Variants in WRN observed in about 807,000 individuals in gnomAD.
WRN encodes the protein WRN RecQ like helicase.
Under a neutral mutation model 180.7 loss-of-function variants are expected in WRN, and 149 were observed. The ratio of observed to expected loss-of-function variants is 0.82; its 90% confidence interval spans 0.72 to 0.94. WRN has a LOEUF of 0.94. Ranked by LOEUF, WRN falls within the 40% of genes least tolerant of loss-of-function variation. The pLI is 0.00. For synonymous variants in WRN, 548 were observed against 568.9 expected (o/e 0.96, Z 0.52); for missense variants, 1,661 against 1,700.1 (o/e 0.98, Z 0.40).
intron 21 of WRN, among the ~76,000 whole-genome samples, chr8:31,124,047 TGATAGA>T (rs1224814945): frequency 2.6e-5 from 4 of 152,090 alleles, no homozygotes; most frequent in African/African-American, 9.7e-5. Flanking sequence ...CCTGAAGAGC[TGATAGA>T]GATAAAGGTT....
chr8:31,158,867 G>A (rs1008558319), intron 33 of WRN, among the ~76,000 whole-genome samples: 3 of 151,864 alleles, frequency 2.0e-5, no homozygotes, highest in African/African-American at 7.3e-5. Context: ...GGGATGCGGG[G>A]GAGTGGCCAG....
At position 31,174,311 on chromosome 8, in the gene WRN, C is replaced by A. The variant is rs909628337; in HGVS notation, c.*1209C>A. Among the ~76,000 whole-genome samples, 2 of 152,170 alleles carry A rather than the reference C, an allele frequency of 1.3e-5. No individual in the cohort carries two copies. The highest frequency in any genetic ancestry group is 6.5e-5 in the Admixed American group (1 of 15,278). On this transcript the variant is annotated 3_prime_UTR_variant, in exon 35 of 35. Coordinates refer to ENST00000298139, the MANE Select transcript of WRN (RefSeq NM_000553.6). Reference sequence around the variant, plus strand: ...ATCCTGTGTGATGGAGTGGCAAGTACGCACAGACACGTCTGCTGCATGCCT... The same window carrying A: ...ATCCTGTGTGATGGAGTGGCAAGTAAGCACAGACACGTCTGCTGCATGCCT...
At chr8:31,160,258 A>T (rs1803560174) in intron 33 of WRN, among the ~76,000 whole-genome samples, 1 of 152,210 alleles carries the variant, frequency 6.6e-6, no homozygotes, top group Non-Finnish European at 1.5e-5. Context: ...CTGAGTATTT[A>T]TCTGTGTGAT....
In WRN at chr8:31,167,218, C is replaced by T. The variant is rs2130515498; in HGVS notation, c.4179C>T (p.Gly1393=). The change falls in exon 34 of 35, where the codon GGC becomes GGT. Residue 1393 remains glycine, a synonymous_variant. Transcript: ENST00000298139. ...SSSKRSKEEV[G]INTETSSAER... ...CTAAGAGAAGCAAGGAAGAAGTAGG[C>T]ATCAATACTGAGGTATTAATTATAT... 1 of 1,612,612 alleles carries T rather than the reference C, an allele frequency of 6.2e-7. No individual in the cohort carries two copies. Among genetic ancestry groups the T allele is most frequent in the Non-Finnish European group, 8.5e-7 (1 of 1,178,994 alleles).
At chr8:31,056,333 A>G (rs1389200844) in intron 1 of WRN, among the ~76,000 whole-genome samples, 1 of 152,226 alleles carries the variant, frequency 6.6e-6, no homozygotes, top group African/African-American at 2.4e-5. Flanking sequence ...GATTTTACTT[A>G]TATAATCTGG....
At chr8:31,082,173 C>A (rs1222126810) in intron 9 of WRN, among the ~76,000 whole-genome samples, 2 of 152,136 alleles carry the variant, frequency 1.3e-5, no homozygotes, top group Non-Finnish European at 1.5e-5. Context: ...TTAATTTCTT[C>A]ATTAAATTGA....
chr8:31,036,654 A>G (rs1037968606), intron 1 of WRN, among the ~76,000 whole-genome samples: 1 of 152,150 alleles, frequency 6.6e-6, no homozygotes, highest in Non-Finnish European at 1.5e-5. Context: ...TCTCCTTTTG[A>G]GAAATGTCTA....
chr8:31,103,993 CAAA>C (rs1295522790), intron 18 of WRN, among the ~76,000 whole-genome samples: 1 of 152,212 alleles, frequency 6.6e-6, no homozygotes, highest in Admixed American at 6.5e-5. Context: ...CTCGGCCTCC[CAAA>C]GTGCTGGGAT....
chr8:31,044,050 G>GT lies in WRN; in HGVS notation c.-77+10087dup, dbSNP rs1285528172. Among the ~76,000 whole-genome samples the GT allele has an allele frequency of 5.8e-3, 852 of 147,884 alleles. 5 individuals are homozygous for GT. Among genetic ancestry groups the GT allele is most frequent in the African/African-American group, 0.02 (819 of 40,464 alleles). ...ATAGAATTTCATTTTCTTTTTTCTTGTTTTTTTTTTAGACGGAGTCTCACT... is the reference window on the plus strand; with the variant it reads ...ATAGAATTTCATTTTCTTTTTTCTTGTTTTTTTTTTTAGACGGAGTCTCACT... On this transcript the variant is annotated intron_variant, in intron 1 of 34. Coordinates refer to ENST00000298139, the MANE Select transcript of WRN (RefSeq NM_000553.6).
intron 24 of WRN, among the ~76,000 whole-genome samples, chr8:31,135,963 C>T (rs868836163): frequency 1.3e-5 from 2 of 152,178 alleles, no homozygotes; most frequent in Middle Eastern, 3.2e-3. Context: ...TAGATTTCCA[C>T]ATTCCATGAT....
At chr8:31,040,639 G>T (rs1328443467) in intron 1 of WRN, among the ~76,000 whole-genome samples, 1 of 152,146 alleles carries the variant, frequency 6.6e-6, no homozygotes, top group African/African-American at 2.4e-5. Context: ...TTGGCTATAG[G>T]ATTTGACAAC....
chr8:31,099,942 A>G (rs1264506083), intron 17 of WRN, among the ~76,000 whole-genome samples: 1 of 152,208 alleles, frequency 6.6e-6, no homozygotes, highest in African/African-American at 2.4e-5. Context: ...GGTAATACAC[A>G]TGGCAGATGG....
intron 23 of WRN, among the ~76,000 whole-genome samples, chr8:31,130,148 C>T (rs922199946): frequency 3.4e-5 from 5 of 146,810 alleles, no homozygotes; most frequent in Middle Eastern, 3.5e-3. Flanking sequence ...CATAACGAGA[C>T]CGCATCTCTA....
At chr8:31,045,445 C>T (rs867060331) in intron 1 of WRN, among the ~76,000 whole-genome samples, 19 of 151,486 alleles carry the variant, frequency 1.3e-4, no homozygotes, top group African/African-American at 3.9e-4. Context: ...TCTTATTGCC[C>T]AGGCTGGAGT....
chr8:31,158,519 T>G (rs1460078408), intron 33 of WRN, among the ~76,000 whole-genome samples: 2 of 152,144 alleles, frequency 1.3e-5, no homozygotes, highest in African/African-American at 4.8e-5. Context: ...TTCTTTTGAC[T>G]GTTAGGATAG....
intron 34 of WRN, among the ~76,000 whole-genome samples, chr8:31,167,446 A>T (rs752093037): frequency 6.6e-6 from 1 of 152,136 alleles, no homozygotes; most frequent in Non-Finnish European, 1.5e-5. Context: ...TTAGCTTATT[A>T]TGTAGAATGT....
intron 10 of WRN, among the ~76,000 whole-genome samples, 157 bp downstream of exon 10, chr8:31,083,936 A>T (rs1418963116): frequency 7.2e-5 from 11 of 152,254 alleles, no homozygotes; most frequent in African/African-American, 2.4e-4. Context: ...TGTTTCTTTC[A>T]TGTAGTCTAT....
rs1804222527 is a variant in WRN at position 31,174,826 on chromosome 8, TCCCTC to T, written c.*1727_*1731del. On this transcript the variant is annotated 3_prime_UTR_variant, in exon 35 of 35. Coordinates refer to ENST00000298139, the MANE Select transcript of WRN (RefSeq NM_000553.6). ...CTTCCTTCCTTCCTTCCTTCCTCCC[TCCCTC>T]CCTCCCTCCCTCCCTCCCTCCTTTC... is the stretch of plus-strand genomic sequence containing the variant. 3.8e-4 allele frequency among the ~76,000 whole-genome samples: 39 copies of T among 103,112 alleles called. 1 individual carries two copies. Among genetic ancestry groups the T allele is most frequent in the African/African-American group, 1.4e-3 (37 of 27,062 alleles). The allele number at this position is 103,112 out of a possible 152,430, so 67.6% of individuals were successfully genotyped here. A position where few individuals can be genotyped will look rare whatever the true frequency, so the allele number is the denominator to read the frequency against.
chr8:31,046,142 A>G (rs866400144), intron 1 of WRN, among the ~76,000 whole-genome samples: 10 of 152,208 alleles, frequency 6.6e-5, no homozygotes, highest in Admixed American at 3.3e-4. Context: ...TGTCTTATAT[A>G]TAAAAATGAG....
Sources: gnomAD v4.1 joint callset for allele counts (sites outside exome capture counted in the v4.1 genomes callset) on GRCh38, gnomAD v4.1.1 for gene constraint, MANE v1.5 for transcripts, NCBI Gene and HGNC (gene_info 2026-07-23, HGNC 2026-07-21) for gene names.